The following STAU2 variants were observed in gnomAD, a reference collection of about 807,000 sequenced individuals.
STAU2 encodes double-stranded RNA-binding protein Staufen homolog 2.
STAU2 carries 20 observed loss-of-function variants against 65.9 expected under a neutral mutation model. The ratio of observed to expected loss-of-function variants is 0.30; its 90% confidence interval spans 0.21 to 0.44. STAU2 has a LOEUF of 0.44. Ranked by LOEUF, STAU2 falls within the 20% of genes least tolerant of loss-of-function variation. The probability of loss-of-function intolerance (pLI) is 1.00; values close to 1 mark genes in which losing one functional copy is unlikely to be tolerated. For missense variants in STAU2, 558 were observed against 683.9 expected (o/e 0.82, Z 2.05); for synonymous variants, 232 against 233.9 (o/e 0.99, Z 0.07).
intron 13 of STAU2, among the ~76,000 whole-genome samples, chr8:73,451,939 T>G (rs1459155501): frequency 6.6e-6 from 1 of 152,332 alleles, no homozygotes; most frequent in East Asian, 1.9e-4. Context: ...GGCTTTGGTT[T>G]TCTTTTACCT....
intron 13 of STAU2, among the ~76,000 whole-genome samples, chr8:73,459,694 C>T (rs1819246214): frequency 6.6e-6 from 1 of 152,222 alleles, no homozygotes; most frequent in Non-Finnish European, 1.5e-5. Flanking sequence ...CACATATCGT[C>T]ACATCCCACA....
At chr8:73,451,417 A>G (rs1818793481) in intron 13 of STAU2, among the ~76,000 whole-genome samples, 2 of 152,146 alleles carry the variant, frequency 1.3e-5, no homozygotes, top group African/African-American at 4.8e-5. Context: ...GGGGAAACTC[A>G]CAGAGAACTT....
chr8:73,564,931 C>T (rs545788994), intron 12 of STAU2, among the ~76,000 whole-genome samples: 46 of 152,178 alleles, frequency 3.0e-4, no homozygotes, highest in Middle Eastern at 3.4e-3. Context: ...TGTGCGCACA[C>T]GCGTGTGCAC....
chr8:73,567,234 G>A (rs902049096), intron 12 of STAU2, among the ~76,000 whole-genome samples: 3 of 152,170 alleles, frequency 2.0e-5, no homozygotes, highest in Admixed American at 6.5e-5. Flanking sequence ...AAGGCCGGGC[G>A]CAGTGGTTCA....
rs533815109 is a variant in STAU2 at position 73,714,467 on chromosome 8, C to T, written c.-17-5305G>A. ...GACAAACTACCCAGGCATCAAACTG[C>T]TCCATTTTTAACAGTCTGTCCATTA... On this transcript the variant is annotated intron_variant, in intron 3 of 14. Transcript: ENST00000524300. Among the ~76,000 whole-genome samples, 5 of 152,318 alleles carry T rather than the reference C, an allele frequency of 3.3e-5. 1 individual carries two copies. The South Asian group carries it at 1.0e-3, about 32-fold the overall frequency.
intron 11 of STAU2, among the ~76,000 whole-genome samples, chr8:73,593,369 T>G (rs977745535): frequency 6.6e-6 from 1 of 152,204 alleles, no homozygotes; most frequent in Non-Finnish European, 1.5e-5. Context: ...TTCCTGACTT[T>G]CCAGGTTCAT....
At chr8:73,461,088 A>G (rs1226929142) in intron 13 of STAU2, among the ~76,000 whole-genome samples, 1 of 152,196 alleles carries the variant, frequency 6.6e-6, no homozygotes, top group African/African-American at 2.4e-5. Flanking sequence ...TACAGGCTGT[A>G]GAGTCAGACC....
chr8:73,698,631 A>G (rs982413341), intron 4 of STAU2, among the ~76,000 whole-genome samples: 4 of 152,186 alleles, frequency 2.6e-5, no homozygotes, highest in Non-Finnish European at 5.9e-5. Flanking sequence ...TATGCAACCA[A>G]CACTGGAGCA....
intron 3 of STAU2, among the ~76,000 whole-genome samples, chr8:73,712,043 T>C (rs1175891066): frequency 6.6e-6 from 1 of 152,122 alleles, no homozygotes; most frequent in Non-Finnish European, 1.5e-5. Context: ...AGATAGAGCA[T>C]CTATAAAAAC....
At chr8:73,557,535 C>T (rs1342203068) in intron 12 of STAU2, among the ~76,000 whole-genome samples, 5 of 152,180 alleles carry the variant, frequency 3.3e-5, no homozygotes, top group South Asian at 2.1e-4. Context: ...CAAAAAACTA[C>T]CCCAGTTCAT....
At chr8:73,488,629 T>C (rs567363829) in intron 13 of STAU2, among the ~76,000 whole-genome samples, 1 of 151,990 alleles carries the variant, frequency 6.6e-6, no homozygotes, top group South Asian at 2.1e-4. Flanking sequence ...TTTTCACTGT[T>C]TCATTTATGA....
chr8:73,437,204 T>C (rs974041886), intron 13 of STAU2, among the ~76,000 whole-genome samples: 1 of 152,176 alleles, frequency 6.6e-6, no homozygotes, highest in Non-Finnish European at 1.5e-5. Context: ...CTGTGGTATG[T>C]TACTTTACCT....
intron 13 of STAU2, among the ~76,000 whole-genome samples, chr8:73,540,946 T>C (rs1806503737): frequency 1.3e-5 from 2 of 152,054 alleles, no homozygotes; most frequent in South Asian, 4.2e-4. Context: ...TGGGAAGAAA[T>C]CCCAGGAGAA....
rs115388283 is a variant in STAU2, at chr8:73,472,392, C to T, written c.1531-49690G>A. Among the ~76,000 whole-genome samples, 704 of 152,268 alleles carry T rather than the reference C, an allele frequency of 4.6e-3. 7 individuals are homozygous for T. The highest frequency in any genetic ancestry group is 0.016 in the African/African-American group (659 of 41,532). On this transcript the variant is annotated intron_variant, in intron 13 of 14. Coordinates refer to ENST00000524300, the MANE Select transcript of STAU2 (RefSeq NM_001164380.2). ...AAGGGAAAGTGAAAAGTTGGCCCCA[C>T]ATACACCAGGCCAAAGTTACAGAAA...
chr8:73,600,379 C>T (rs73330813), intron 10 of STAU2, among the ~76,000 whole-genome samples: 25 of 152,178 alleles, frequency 1.6e-4, no homozygotes, highest in African/African-American at 5.8e-4. Context: ...ACCACTATGT[C>T]GTGACAAATC....
intron 13 of STAU2, among the ~76,000 whole-genome samples, chr8:73,504,802 C>G (rs1027780451): frequency 1.3e-5 from 2 of 151,660 alleles, no homozygotes; most frequent in Non-Finnish European, 2.9e-5. Flanking sequence ...TTGGTTTATT[C>G]TATGGCTATT....
At chr8:73,610,172 T>C (rs981529332) in intron 9 of STAU2, among the ~76,000 whole-genome samples, 3 of 151,718 alleles carry the variant, frequency 2.0e-5, no homozygotes, top group African/African-American at 7.3e-5. Context: ...TCCCAACTAC[T>C]TGGGAGGTGG....
In STAU2 at chr8:73,585,297, A is replaced by G; in HGVS notation, c.1162-2467T>C. On this transcript the variant is annotated intron_variant, in intron 11 of 14. Coordinates refer to ENST00000524300, the MANE Select transcript of STAU2 (RefSeq NM_001164380.2). Reference sequence around the variant, plus strand: ...GGAGTTCAAGACCAGCCTGACCAACATGGAGAAACCCCGTCTCTACTAAAA... The same window carrying G: ...GGAGTTCAAGACCAGCCTGACCAACGTGGAGAAACCCCGTCTCTACTAAAA... 1.3e-5 allele frequency among the ~76,000 whole-genome samples: 2 copies of G among 152,178 alleles called. 1 individual carries two copies. The highest frequency in any genetic ancestry group is 2.9e-5 in the Non-Finnish European group (2 of 68,038).
intron 13 of STAU2, among the ~76,000 whole-genome samples, chr8:73,510,360 G>A (rs180814206): frequency 1.9e-4 from 29 of 152,216 alleles, no homozygotes; most frequent in South Asian, 1.0e-3. Context: ...GTGAGCCACC[G>A]CGCCTGGCCA....
Sources: allele counts gnomAD v4.1 joint callset (sites outside exome capture counted in the v4.1 genomes callset), GRCh38; gene constraint gnomAD v4.1.1; transcripts MANE v1.5; gene names NCBI Gene and HGNC (gene_info 2026-07-23, HGNC 2026-07-21).